MATN3: variants seen among roughly 807,000 people sequenced by gnomAD.
MATN3 encodes matrilin 3, also known as matrilin-3.
MATN3 carries 48 observed loss-of-function variants against 45.3 expected under a neutral mutation model. The observed-to-expected ratio is 1.06, with a 90% CI of 0.84 to 1.35. MATN3 has a LOEUF of 1.35. Among genes scored for constraint, MATN3 ranks in the 40% most tolerant of loss-of-function variants. The pLI is 0.00. For missense variants in MATN3, 599 were observed against 628.0 expected (o/e 0.95, Z 0.49); for synonymous variants, 217 against 245.9 (o/e 0.88, Z 1.10).
At chr2:19,997,466 C>T (rs1278760573) in intron 5 of MATN3, 2 of 485,148 alleles carry the variant, frequency 4.1e-6, no homozygotes, top group Non-Finnish European at 7.3e-6. Context: ...CACACACACT[C>T]CTTTCCTTTA....
intron 5 of MATN3, among the ~76,000 whole-genome samples, chr2:20,000,184 G>A (rs1216369666): frequency 6.6e-6 from 1 of 152,090 alleles, no homozygotes; most frequent in African/African-American, 2.4e-5. Flanking sequence ...AAATTTTCCT[G>A]GATAAGGACC....
intron 3 of MATN3, 49 bp downstream of exon 3, chr2:20,003,112 T>C (rs774371584): frequency 1.9e-6 from 3 of 1,604,866 alleles, no homozygotes; most frequent in South Asian, 2.2e-5. Flanking sequence ...ACCTGGAGCA[T>C]AGGTTCCCAA....
chr2:19,999,626 T>TAA (rs56100312), intron 5 of MATN3, among the ~76,000 whole-genome samples: 93 of 120,156 alleles, frequency 7.7e-4, no homozygotes, highest in East Asian at 4.3e-3. Context: ...GGTTTCCCTT[T>TAA]AAAAAAAAAA....
chr2:19,996,733 GCA>G (rs1267123484), intron 6 of MATN3, among the ~76,000 whole-genome samples: 1 of 152,156 alleles, frequency 6.6e-6, no homozygotes, highest in Non-Finnish European at 1.5e-5. Context: ...TGTTTCATCG[GCA>G]CAGACTTTTA....
chr2:20,009,575 A>G (rs1161051323), intron 1 of MATN3, among the ~76,000 whole-genome samples: 1 of 152,186 alleles, frequency 6.6e-6, no homozygotes, highest in Non-Finnish European at 1.5e-5. Flanking sequence ...GCAGCAAACC[A>G]CCAGCGCACA....
chr2:19,992,351 C>T lies in MATN3; in HGVS notation c.*760G>A, dbSNP rs1238877692. ...TTAAAAAGACAACATTAGATTTTGTCGATTTATAGCAATTTTATAAATATA... is the reference window on the plus strand; with the variant it reads ...TTAAAAAGACAACATTAGATTTTGTTGATTTATAGCAATTTTATAAATATA... On this transcript the variant is annotated 3_prime_UTR_variant, in exon 8 of 8. Coordinates refer to ENST00000407540, the MANE Select transcript of MATN3 (RefSeq NM_002381.5). 6.6e-6 allele frequency: 1 copy of T among 152,012 alleles called. No individual in the cohort carries two copies. The highest frequency in any genetic ancestry group is 1.5e-5 in the Non-Finnish European group (1 of 67,950). The allele number at this position is 152,012 out of a possible 1,614,324, so 9.4% of individuals were successfully genotyped here.
In MATN3 at chr2:20,010,018, A is replaced by G. The variant is rs1017377334; in HGVS notation, c.223+2391T>C. On this transcript the variant is annotated intron_variant, in intron 1 of 7. Transcript: ENST00000407540. ...CTCAGGACCTCTTGAGGGCTGTGTC[A>G]CAGACCATGGTCACTCATGTTTGTC... 2.8e-4 allele frequency among the ~76,000 whole-genome samples: 39 copies of G among 139,546 alleles called. 1 individual carries two copies. The highest frequency in any genetic ancestry group is 2.8e-3 in the Admixed American group (35 of 12,712). The allele number at this position is 139,546 out of a possible 152,430, so 91.5% of individuals were successfully genotyped here.
chr2:20,010,545 G>C (rs1673202417), intron 1 of MATN3, among the ~76,000 whole-genome samples: 1 of 152,160 alleles, frequency 6.6e-6, no homozygotes. Context: ...AAGTAGAAGA[G>C]GGAGGCAGAT....
At chr2:19,999,733 A>C (rs1225824980) in intron 5 of MATN3, among the ~76,000 whole-genome samples, 1 of 152,098 alleles carries the variant, frequency 6.6e-6, no homozygotes, top group Non-Finnish European at 1.5e-5. Flanking sequence ...AATATATGTC[A>C]AATCTAAAAC....
chr2:20,010,064 T>TCCAAAAAAAAAAAAAAAAAA (rs1247085339), intron 1 of MATN3, among the ~76,000 whole-genome samples: 19 of 10,766 alleles, frequency 1.8e-3, no homozygotes, highest in South Asian at 5.1e-3. Context: ...TCTCTTCAAA[T>TCCAAAAAAAAAAAAAAAAAA]ACTAAAAAAA....
rs976669227 is a variant in MATN3 at position 20,012,203 on chromosome 2, C to G, written c.223+206G>C. 1.3e-5 allele frequency among the ~76,000 whole-genome samples: 2 copies of G among 152,172 alleles called. No individual in the cohort carries two copies. The highest frequency in any genetic ancestry group is 4.8e-5 in the African/African-American group (2 of 41,444). On this transcript the variant is annotated intron_variant, in intron 1 of 7. Transcript: ENST00000407540. The surrounding 1 kb of genome is among the most constrained non-coding windows in gnomAD (Gnocchi z 4.3). ...CAGGGGAGTGAGAGCTTCAGGAGACCCACATCTCTAGCCTGGACACATGAG... is the reference window on the plus strand; with the variant it reads ...CAGGGGAGTGAGAGCTTCAGGAGACGCACATCTCTAGCCTGGACACATGAG...
In MATN3 at chr2:20,000,391, G is replaced by A. The variant is rs1672961004; in HGVS notation, c.1168+50C>T. ...CTCTTTGCTGGTGAGTTGCAAGTTG[G>A]TTTCATGTGAAAGACCCAAGTATGA... is the stretch of plus-strand genomic sequence containing the variant. On this transcript the variant is annotated intron_variant, in intron 5 of 7. Coordinates refer to ENST00000407540, the MANE Select transcript of MATN3 (RefSeq NM_002381.5). The A allele has an allele frequency of 3.2e-6, 5 of 1,552,744 alleles. No individual in the cohort carries two copies. In the East Asian group the frequency reaches 1.2e-4, roughly 36 times the overall value.
intron 1 of MATN3, among the ~76,000 whole-genome samples, chr2:20,011,160 T>C (rs1176134877): frequency 6.6e-6 from 1 of 152,240 alleles, no homozygotes; most frequent in African/African-American, 2.4e-5. Context: ...TTATCATTCA[T>C]GATCAGGTTC....
intron 6 of MATN3, 72 bp downstream of exon 6, chr2:19,997,062 A>C (rs776465042): frequency 3.0e-5 from 45 of 1,519,032 alleles, no homozygotes; most frequent in Non-Finnish European, 4.1e-5. Flanking sequence ...TGTGTCTTAG[A>C]CAGAAAGAAA....
At chr2:19,996,143 A>G (rs1374717825) in intron 6 of MATN3, among the ~76,000 whole-genome samples, 2 of 152,178 alleles carry the variant, frequency 1.3e-5, no homozygotes, top group Non-Finnish European at 2.9e-5. Context: ...TTGTAGAAAA[A>G]TTGAAAGTTG....
At chr2:20,002,548 A>G (rs1294608966) in intron 3 of MATN3, among the ~76,000 whole-genome samples, 2 of 152,040 alleles carry the variant, frequency 1.3e-5, no homozygotes, top group Admixed American at 6.5e-5. Flanking sequence ...ATCCAGGAAA[A>G]TTTTCAAATC....
In MATN3 at chr2:20,006,033, C is replaced by G. The variant is rs1673098764; in HGVS notation, c.501G>C (p.Gln167His). 6.2e-7 allele frequency: 1 copy of G among 1,614,030 alleles called. No homozygotes were observed. Among genetic ancestry groups the G allele is most frequent in the Non-Finnish European group, 8.5e-7 (1 of 1,179,892 alleles). The change falls in exon 2 of 8, where the codon CAG becomes CAC. Residue 167 changes from glutamine (Q) to histidine (H), a missense_variant. By Grantham distance (24) the Gln-to-His change is conservative. Coordinates refer to ENST00000407540, the MANE Select transcript of MATN3 (RefSeq NM_002381.5). ...CTGTGAAGGCTTCGTCCATTGCTGT[C>G]TGGATGGCTAGGCCTGACATGGTGC... is the stretch of plus-strand genomic sequence containing the variant. ...STGTMSGLAI[Q>H]TAMDEAFTVE...
chr2:20,000,148 A>AAGC (rs1672956758), intron 5 of MATN3, among the ~76,000 whole-genome samples: 1 of 152,246 alleles, frequency 6.6e-6, no homozygotes, highest in Non-Finnish European at 1.5e-5. Flanking sequence ...CTCTTTGCTT[A>AAGC]AAAGTCTTCA....
intron 2 of MATN3, among the ~76,000 whole-genome samples, chr2:20,005,088 G>A (rs1465619729): frequency 6.6e-6 from 1 of 152,170 alleles, no homozygotes; most frequent in Admixed American, 6.5e-5. Context: ...GAGTAGCAGA[G>A]TTAACAGAAT....
Sources: allele counts gnomAD v4.1 joint callset (sites outside exome capture counted in the v4.1 genomes callset), GRCh38; gene constraint gnomAD v4.1.1; non-coding constraint Gnocchi (gnomAD v3.1); transcripts MANE v1.5; gene names NCBI Gene and HGNC (gene_info 2026-07-23, HGNC 2026-07-21).